STAG1: variants seen among roughly 807,000 people sequenced by gnomAD.
STAG1 encodes the protein cohesin subunit SA-1.
STAG1 carries 26 observed loss-of-function variants against 170.9 expected under a neutral mutation model. The ratio of observed to expected loss-of-function variants is 0.15; its 90% confidence interval spans 0.11 to 0.21. STAG1 has a LOEUF of 0.21. STAG1 is among the 10% of genes least tolerant of loss of function. STAG1 has a pLI of 1.00. For synonymous variants in STAG1, 514 were observed against 497.7 expected (o/e 1.03, Z -0.44); for missense variants, 964 against 1,509.5 (o/e 0.64, Z 5.99).
chr3:136,580,129 A>T (rs1283942129), intron 4 of STAG1, among the ~76,000 whole-genome samples: 6 of 151,764 alleles, frequency 4.0e-5, no homozygotes, highest in African/African-American at 1.5e-4. Context: ...CACCACGCAC[A>T]GCTAATTTTT....
chr3:136,619,097 T>G (rs1939727198), intron 3 of STAG1, among the ~76,000 whole-genome samples: 1 of 152,030 alleles, frequency 6.6e-6, no homozygotes, highest in Admixed American at 6.6e-5. Context: ...TGTAGTAAAA[T>G]GCTAACATTA....
intron 3 of STAG1, among the ~76,000 whole-genome samples, chr3:136,619,671 T>C (rs1042663458): frequency 2.1e-5 from 3 of 146,022 alleles, no homozygotes; most frequent in Non-Finnish European, 4.5e-5. Flanking sequence ...GTGGGAGAAT[T>C]GCTTGAACCT....
chr3:136,476,403 G>C (rs911013456), intron 10 of STAG1, among the ~76,000 whole-genome samples: 1 of 152,188 alleles, frequency 6.6e-6, no homozygotes, highest in African/African-American at 2.4e-5. Context: ...AATTGCAATA[G>C]GCAGTAACTG....
At chr3:136,728,845 G>A (rs1475046762) in intron 1 of STAG1, among the ~76,000 whole-genome samples, 1 of 152,140 alleles carries the variant, frequency 6.6e-6, no homozygotes, top group Admixed American at 6.6e-5. Context: ...GAAGTGCTTA[G>A]TAAAAAGCAC....
At chr3:136,520,707 CTT>C (rs1007839526) in intron 7 of STAG1, among the ~76,000 whole-genome samples, 1 of 152,024 alleles carries the variant, frequency 6.6e-6, no homozygotes, top group African/African-American at 2.4e-5. Flanking sequence ...TAAGAACTGA[CTT>C]TAAAGATGTT....
Position 136,662,868 on chromosome 3 carries a change from A to G in STAG1, c.-83-31887T>C, listed in dbSNP as rs573693261. Reference sequence around the variant, plus strand: ...GGAGTTCAAGACCAGCTTTGCCAACATGGTGAAATCGCATCTCTACTAAAT... The same window carrying G: ...GGAGTTCAAGACCAGCTTTGCCAACGTGGTGAAATCGCATCTCTACTAAAT... On this transcript the variant is annotated intron_variant, in intron 1 of 33. Coordinates refer to ENST00000383202, the MANE Select transcript of STAG1 (RefSeq NM_005862.3). Among the ~76,000 whole-genome samples the G allele has an allele frequency of 5.4e-4, 82 of 152,296 alleles. 1 individual carries two copies. The Middle Eastern group carries it at 0.01, about 19-fold the overall frequency.
intron 22 of STAG1, among the ~76,000 whole-genome samples, chr3:136,397,278 T>A (rs929106869): frequency 6.6e-6 from 1 of 152,218 alleles, no homozygotes; most frequent in Admixed American, 6.5e-5. Context: ...CTGATTCTCT[T>A]CATGGTTGTT....
chr3:136,415,470 AG>A (rs2087745024), intron 21 of STAG1, among the ~76,000 whole-genome samples: 1 of 152,198 alleles, frequency 6.6e-6, no homozygotes, highest in Admixed American at 6.5e-5. Context: ...CTGCTCCAAA[AG>A]GTATTTTCTC....
intron 6 of STAG1, among the ~76,000 whole-genome samples, chr3:136,535,311 T>C (rs1935564774): frequency 6.6e-6 from 1 of 152,186 alleles, no homozygotes; most frequent in South Asian, 2.1e-4. Context: ...TAAGTTCTAA[T>C]GTTCGATAGC....
At chr3:136,724,796 G>A (rs1407081159) in intron 1 of STAG1, among the ~76,000 whole-genome samples, 1 of 152,068 alleles carries the variant, frequency 6.6e-6, no homozygotes, top group Non-Finnish European at 1.5e-5. Context: ...ATTTTGAGAG[G>A]TAAACAAGGT....
chr3:136,661,523 T>C (rs1486944545), intron 1 of STAG1, among the ~76,000 whole-genome samples: 1 of 152,152 alleles, frequency 6.6e-6, no homozygotes, highest in Non-Finnish European at 1.5e-5. Context: ...ATAAAATATG[T>C]ATACACATAC....
chr3:136,492,315 A>C (rs1206735050), intron 9 of STAG1, among the ~76,000 whole-genome samples: 1 of 152,212 alleles, frequency 6.6e-6, no homozygotes, highest in Non-Finnish European at 1.5e-5. Flanking sequence ...ATAAAATGTA[A>C]ATCAACATTG....
intron 4 of STAG1, among the ~76,000 whole-genome samples, chr3:136,579,923 C>T (rs1937554150): frequency 6.9e-6 from 1 of 144,238 alleles, no homozygotes; most frequent in Admixed American, 7.0e-5. Flanking sequence ...GAGGACAGAA[C>T]AGGGGATTGC....
chr3:136,608,283 G>A (rs376168015), intron 3 of STAG1, among the ~76,000 whole-genome samples: 3 of 151,366 alleles, frequency 2.0e-5, no homozygotes, highest in East Asian at 3.9e-4. Flanking sequence ...ACTGCACACT[G>A]GTAATACCAG....
chr3:136,692,495 C>A (rs925052819), intron 1 of STAG1, among the ~76,000 whole-genome samples: 1 of 151,696 alleles, frequency 6.6e-6, no homozygotes, highest in African/African-American at 2.4e-5. Flanking sequence ...ATTAGCCAGG[C>A]GTGGTAGCAA....
At chr3:136,591,110 CAA>C (rs1249008548) in intron 4 of STAG1, among the ~76,000 whole-genome samples, 4 of 148,762 alleles carry the variant, frequency 2.7e-5, no homozygotes, top group Admixed American at 2.0e-4. Context: ...GCAAAATTAT[CAA>C]AGACAAAATA....
intron 23 of STAG1, among the ~76,000 whole-genome samples, chr3:136,373,242 C>T (rs1576401395): frequency 6.6e-6 from 1 of 151,902 alleles, no homozygotes; most frequent in Admixed American, 6.6e-5. Context: ...TCTCTCTTTT[C>T]TTCTTTATTA....
intron 1 of STAG1, among the ~76,000 whole-genome samples, chr3:136,749,161 T>C (rs1029336165): frequency 3.9e-5 from 6 of 152,248 alleles, no homozygotes; most frequent in South Asian, 2.1e-4. Context: ...ACAAAATATA[T>C]GTTTGCATAT....
At chr3:136,393,003 A>T (rs1010555440) in intron 22 of STAG1, among the ~76,000 whole-genome samples, 1 of 152,118 alleles carries the variant, frequency 6.6e-6, no homozygotes. Context: ...GAGAGATTTA[A>T]ATGTTTCTAT....
Sources: allele counts gnomAD v4.1 joint callset (sites outside exome capture counted in the v4.1 genomes callset), GRCh38; gene constraint gnomAD v4.1.1; transcripts MANE v1.5; gene names NCBI Gene and HGNC (gene_info 2026-07-23, HGNC 2026-07-21).